The following RANBP17 variants were observed in gnomAD, a reference collection of about 807,000 sequenced individuals.
The protein encoded by RANBP17 is ran-binding protein 17.
In RANBP17, 158 loss-of-function variants were observed where a neutral mutation model predicts 141.2. The ratio of observed to expected loss-of-function variants is 1.12; its 90% CI spans 0.98 to 1.28. The LOEUF (loss-of-function observed/expected upper bound fraction) is 1.28, where lower values mean the gene tolerates loss of function less well. RANBP17 is among the 50% of genes most tolerant of loss of function. The probability of loss-of-function intolerance (pLI) is 0.00; values close to 1 mark genes in which losing one functional copy is unlikely to be tolerated. For missense variants in RANBP17, 1,438 were observed against 1,290.7 expected (o/e 1.11, Z -1.75); for synonymous variants, 430 against 450.0 (o/e 0.96, Z 0.56).
At chr5:170,881,985 T>A (rs1768740993) in intron 3 of RANBP17, 89 bp downstream of exon 3, 3 of 728,086 alleles carry the variant, frequency 4.1e-6, no homozygotes, top group Admixed American at 6.2e-5. Flanking sequence ...ATTGCAAATT[T>A]TTTATGTCTG....
intron 14 of RANBP17, among the ~76,000 whole-genome samples, chr5:170,984,312 T>C (rs1490254568): frequency 6.6e-6 from 1 of 152,108 alleles, no homozygotes; most frequent in Non-Finnish European, 1.5e-5. Flanking sequence ...AGAATGTTCA[T>C]GGAATAAAAT....
At position 171,058,158 on chromosome 5, in the gene RANBP17, T is replaced by A. The variant is rs552252591; in HGVS notation, c.1710+89781T>A. ...TCTTACCTCACTAATAAAATGTATT[T>A]TTTTATTTTATTATTATTATACTTT... On this transcript the variant is annotated intron_variant, in intron 14 of 27. Transcript: ENST00000523189. Among the ~76,000 whole-genome samples the A allele has an allele frequency of 3.5e-4, 53 of 151,974 alleles. 2 individuals carry two copies. Among genetic ancestry groups the A allele is most frequent in the South Asian group, 2.1e-4 (1 of 4,816 alleles).
chr5:171,119,861 G>A (rs1002192546), intron 14 of RANBP17, among the ~76,000 whole-genome samples: 1 of 151,932 alleles, frequency 6.6e-6, no homozygotes, highest in Non-Finnish European at 1.5e-5. Context: ...CCAACATGGA[G>A]AAACCCCGTC....
chr5:171,181,311 G>C (rs529170258), intron 16 of RANBP17, among the ~76,000 whole-genome samples: 1 of 152,072 alleles, frequency 6.6e-6, no homozygotes, highest in African/African-American at 2.4e-5. Context: ...TTAGCCGGGC[G>C]TGGTGGCCCA....
At chr5:170,917,426 A>G (rs973376625) in intron 9 of RANBP17, among the ~76,000 whole-genome samples, 6 of 152,270 alleles carry the variant, frequency 3.9e-5, no homozygotes, top group Non-Finnish European at 8.8e-5. Context: ...TGCTTACATA[A>G]AATATTTTGT....
chr5:171,045,892 T>G (rs1390884202), intron 14 of RANBP17, among the ~76,000 whole-genome samples: 1 of 152,196 alleles, frequency 6.6e-6, no homozygotes, highest in Non-Finnish European at 1.5e-5. Flanking sequence ...TCCCTAACAC[T>G]TGGGATCCAC....
At chr5:171,022,174 T>G (rs1440727622) in intron 14 of RANBP17, among the ~76,000 whole-genome samples, 2 of 152,192 alleles carry the variant, frequency 1.3e-5, no homozygotes, top group African/African-American at 4.8e-5. Flanking sequence ...TCCCTGCTCC[T>G]TCTCAGATCT....
intron 22 of RANBP17, among the ~76,000 whole-genome samples, chr5:171,229,019 C>T (rs1379302348): frequency 6.6e-6 from 1 of 151,782 alleles, no homozygotes; most frequent in Non-Finnish European, 1.5e-5. Context: ...CAAAGTGTGC[C>T]TATAGTTATG....
chr5:171,228,804 A>G (rs947652462), intron 22 of RANBP17, among the ~76,000 whole-genome samples: 3 of 152,222 alleles, frequency 2.0e-5, no homozygotes, highest in African/African-American at 7.2e-5. Context: ...GGCTCAGATG[A>G]TTGCTAGCAA....
chr5:171,162,230 A>G (rs1195189702), intron 14 of RANBP17, among the ~76,000 whole-genome samples: 1 of 152,188 alleles, frequency 6.6e-6, no homozygotes, highest in African/African-American at 2.4e-5. Flanking sequence ...GGCCCCAGAC[A>G]TGGAGTGAAT....
intron 1 of RANBP17, among the ~76,000 whole-genome samples, chr5:170,874,638 G>T (rs796535302): frequency 3.1e-5 from 4 of 130,958 alleles, no homozygotes; most frequent in African/African-American, 1.1e-4. Flanking sequence ...TCAGAAACTA[G>T]GATTTTAACC....
intron 13 of RANBP17, among the ~76,000 whole-genome samples, chr5:170,961,951 A>G (rs1041388920): frequency 6.6e-6 from 1 of 152,166 alleles, no homozygotes; most frequent in Non-Finnish European, 1.5e-5. Context: ...TTTTGCAGCT[A>G]GGTATGGCAA....
intron 14 of RANBP17, among the ~76,000 whole-genome samples, chr5:171,007,696 T>C (rs527939614): frequency 1.3e-5 from 2 of 152,226 alleles, no homozygotes; most frequent in South Asian, 4.2e-4. Context: ...TCTCGTAGGA[T>C]GGAGAAATCA....
chr5:171,233,887 A>G (rs992118929), intron 22 of RANBP17, among the ~76,000 whole-genome samples: 6 of 152,328 alleles, frequency 3.9e-5, no homozygotes, highest in Admixed American at 1.3e-4. Context: ...AAACTATGAC[A>G]TTGACTGATA....
chr5:171,168,109 G>C (rs753051418), intron 14 of RANBP17, among the ~76,000 whole-genome samples: 4 of 152,150 alleles, frequency 2.6e-5, no homozygotes, highest in Non-Finnish European at 5.9e-5. Context: ...ATAAGGCATA[G>C]TGTCACCCCT....
rs564546610 is a variant in RANBP17, at chr5:171,257,981, T to C, written c.2777-7700T>C. Among the ~76,000 whole-genome samples, 10 of 151,938 alleles carry C rather than the reference T, an allele frequency of 6.6e-5. No homozygotes were observed. In the South Asian group the frequency reaches 2.1e-3, roughly 32 times the overall value. ...TTAGCCGGAGATGGTGGCACATGCCTGTTAATCCCAGCTACTCAGGAGGCT... is the reference window on the plus strand; with the variant it reads ...TTAGCCGGAGATGGTGGCACATGCCCGTTAATCCCAGCTACTCAGGAGGCT... On this transcript the variant is annotated intron_variant, in intron 24 of 27. Coordinates refer to ENST00000523189, the MANE Select transcript of RANBP17 (RefSeq NM_022897.5).
At position 171,000,944 on chromosome 5, in the gene RANBP17, C is replaced by A. The variant is rs1779161749; in HGVS notation, c.1710+32567C>A. ...TCATCAGTTAAGGCTGTTTTCACTTCTTTTGTGGATCTTCAGTTGCTTCAG... is the reference window on the plus strand; with the variant it reads ...TCATCAGTTAAGGCTGTTTTCACTTATTTTGTGGATCTTCAGTTGCTTCAG... On this transcript the variant is annotated intron_variant, in intron 14 of 27. Coordinates refer to ENST00000523189, the MANE Select transcript of RANBP17 (RefSeq NM_022897.5). Among the ~76,000 whole-genome samples the A allele has an allele frequency of 2.6e-5, 4 of 152,258 alleles. No homozygotes were observed. In the South Asian group the frequency reaches 8.3e-4, roughly 32 times the overall value.
At chr5:170,868,246 T>TTG (rs143501325) in intron 1 of RANBP17, among the ~76,000 whole-genome samples, 4,401 of 151,914 alleles carry the variant, frequency 0.029, 188 homozygotes, top group African/African-American at 0.1. Flanking sequence ...CTGTCTGTTT[T>TTG]TGTGTGTGTG....
At chr5:170,945,570 G>C (rs182506888) in intron 12 of RANBP17, among the ~76,000 whole-genome samples, 3 of 152,116 alleles carry the variant, frequency 2.0e-5, no homozygotes, top group African/African-American at 4.8e-5. Context: ...AACCTAGGCT[G>C]TGTTCTTATT....
Sources: allele counts gnomAD v4.1 joint callset (sites outside exome capture counted in the v4.1 genomes callset), GRCh38; gene constraint gnomAD v4.1.1; transcripts MANE v1.5; gene names NCBI Gene and HGNC (gene_info 2026-07-23, HGNC 2026-07-21).